Variants in RAP1GDS1 observed in about 807,000 individuals in gnomAD.
RAP1GDS1 encodes the protein RAP1, GTP-GDP dissociation stimulator 1.
In RAP1GDS1, 35 loss-of-function variants were observed where a neutral mutation model predicts 71.1. The ratio of observed to expected loss-of-function variants is 0.49; its 90% CI spans 0.38 to 0.65. The LOEUF (loss-of-function observed/expected upper bound fraction) is 0.65, where lower values mean the gene tolerates loss of function less well. Ranked by LOEUF, RAP1GDS1 falls within the 30% of genes least tolerant of loss-of-function variation. RAP1GDS1 has a pLI of 0.00. For synonymous variants in RAP1GDS1, 229 were observed against 243.1 expected (o/e 0.94, Z 0.54); for missense variants, 663 against 706.1 (o/e 0.94, Z 0.69).
chr4:98,380,817 T>C (rs1239749963), intron 5 of RAP1GDS1, among the ~76,000 whole-genome samples: 1 of 151,742 alleles, frequency 6.6e-6, no homozygotes, highest in African/African-American at 2.4e-5. Context: ...AAAGAAATTT[T>C]AAGAAGTTAT....
In RAP1GDS1 at chr4:98,422,125, G is replaced by A. The variant is rs900972214; in HGVS notation, c.1440+731G>A. On this transcript the variant is annotated intron_variant, in intron 12 of 14. Coordinates refer to ENST00000408927, the MANE Select transcript of RAP1GDS1 (RefSeq NM_001100427.2). Reference sequence around the variant, plus strand: ...TGAGGCAGGAGAATGGCGTGAACCCGGGAGGCGGAGCTTGCAGAGAGCCGA... The same window carrying A: ...TGAGGCAGGAGAATGGCGTGAACCCAGGAGGCGGAGCTTGCAGAGAGCCGA... Among the ~76,000 whole-genome samples the A allele has an allele frequency of 2.4e-4, 37 of 151,478 alleles. 1 individual carries two copies. Among genetic ancestry groups the A allele is most frequent in the Non-Finnish European group, 1.2e-4 (8 of 67,896 alleles).
At position 98,420,053 on chromosome 4, in the gene RAP1GDS1, C is replaced by A; in HGVS notation, c.1209C>A (p.Val403=). The A allele has an allele frequency of 2.5e-6, 4 of 1,606,646 alleles. No individual in the cohort carries two copies. Among genetic ancestry groups the A allele is most frequent in the Non-Finnish European group, 3.4e-6 (4 of 1,176,166 alleles). The change falls in exon 11 of 15, where the codon GTC becomes GTA. Residue 403 remains valine, a synonymous_variant. Transcript: ENST00000408927. The stretch of plus-strand genomic sequence containing the variant: ...AAGCAAAGATGTTATCAGCTGGGGT[C>A]ACAGAGGCAGTTTTGAAATTTCTTA... The part of the protein sequence containing the change: ...INKAKMLSAG[V]TEAVLKFLKS...
At chr4:98,369,037 A>G (rs1439728466) in intron 4 of RAP1GDS1, among the ~76,000 whole-genome samples, 1 of 152,194 alleles carries the variant, frequency 6.6e-6, no homozygotes, top group African/African-American at 2.4e-5. Context: ...GTGAAAGGTG[A>G]AGGAGGAGTA....
At chr4:98,324,609 T>C (rs2110349680) in intron 2 of RAP1GDS1, among the ~76,000 whole-genome samples, 1 of 144,752 alleles carries the variant, frequency 6.9e-6, no homozygotes, top group Middle Eastern at 3.5e-3. Context: ...CCCTCAGAAA[T>C]AACGCCGCAT....
chr4:98,403,525 T>A (rs559886360), intron 6 of RAP1GDS1, among the ~76,000 whole-genome samples: 1 of 152,278 alleles, frequency 6.6e-6, no homozygotes, highest in East Asian at 1.9e-4. Flanking sequence ...AAGCCCCTTT[T>A]TGGTATTGAG....
intron 14 of RAP1GDS1, chr4:98,441,225 A>G: frequency 1.9e-6 from 1 of 527,772 alleles, no homozygotes; most frequent in South Asian, 8.3e-5. Context: ...CATCAGTTTC[A>G]GTAGTACTGA....
chr4:98,268,799 T>C (rs1371365023), intron 1 of RAP1GDS1, among the ~76,000 whole-genome samples: 2 of 151,988 alleles, frequency 1.3e-5, no homozygotes, highest in Admixed American at 1.3e-4. Context: ...CTGTAAGACA[T>C]TGATGAAAGA....
At chr4:98,415,007 GCT>G (rs546215724) in intron 7 of RAP1GDS1, among the ~76,000 whole-genome samples, 3 of 152,094 alleles carry the variant, frequency 2.0e-5, no homozygotes, top group East Asian at 1.9e-4. Context: ...TCATGATTTG[GCT>G]CTCTGTTTGT....
chr4:98,344,905 G>A (rs1736001649), intron 3 of RAP1GDS1, among the ~76,000 whole-genome samples: 1 of 152,108 alleles, frequency 6.6e-6, no homozygotes, highest in Admixed American at 6.6e-5. Flanking sequence ...GTTCACTGCA[G>A]CCTTGACCTC....
chr4:98,400,836 G>A (rs1745307190), intron 6 of RAP1GDS1, among the ~76,000 whole-genome samples: 1 of 152,048 alleles, frequency 6.6e-6, no homozygotes, highest in Admixed American at 6.6e-5. Context: ...ATTATTATTT[G>A]TCAAATAATT....
intron 4 of RAP1GDS1, among the ~76,000 whole-genome samples, chr4:98,353,603 C>T (rs567087420): frequency 2.0e-5 from 3 of 152,244 alleles, no homozygotes; most frequent in South Asian, 4.1e-4. Flanking sequence ...CTCATTTATT[C>T]TCCTTTTCTT....
intron 9 of RAP1GDS1, 27 bp from the exon 10 acceptor site, chr4:98,418,630 G>GA (rs1748350693): frequency 6.4e-7 from 1 of 1,571,828 alleles, no homozygotes; most frequent in African/African-American, 1.4e-5. Flanking sequence ...TAAAGAGGAA[G>GA]AAAAAGATGT....
intron 12 of RAP1GDS1, among the ~76,000 whole-genome samples, chr4:98,428,359 A>G (rs1749916967): frequency 6.6e-6 from 1 of 152,234 alleles, no homozygotes; most frequent in Non-Finnish European, 1.5e-5. Context: ...CTGGGACTTA[A>G]TTAAACTAAA....
At chr4:98,327,682 G>T (rs1190933172) in intron 2 of RAP1GDS1, among the ~76,000 whole-genome samples, 2 of 152,096 alleles carry the variant, frequency 1.3e-5, no homozygotes, top group Admixed American at 1.3e-4. Context: ...CTGTAATTAG[G>T]TTTTGATTGT....
At chr4:98,387,005 A>G (rs1742865117) in intron 5 of RAP1GDS1, among the ~76,000 whole-genome samples, 1 of 152,256 alleles carries the variant, frequency 6.6e-6, no homozygotes, top group Admixed American at 6.5e-5. Flanking sequence ...GCCAATTTGT[A>G]TTAGAACTTT....
At chr4:98,303,687 AGAG>A (rs1179553749) in intron 2 of RAP1GDS1, among the ~76,000 whole-genome samples, 2 of 148,552 alleles carry the variant, frequency 1.3e-5, no homozygotes, top group African/African-American at 4.9e-5. Flanking sequence ...CAGTATAGGA[AGAG>A]AACTTTTTAA....
chr4:98,261,622 GTGC>G, intron 1 of RAP1GDS1, 53 bp downstream of exon 1: 1 of 1,566,044 alleles, frequency 6.4e-7, no homozygotes, highest in Non-Finnish European at 8.7e-7. Context: ...CTTTCTCGGC[GTGC>G]TGCAGGGTGG....
intron 1 of RAP1GDS1, among the ~76,000 whole-genome samples, chr4:98,265,978 TATAGTC>T (rs1030740903): frequency 2.0e-5 from 3 of 152,144 alleles, no homozygotes; most frequent in Non-Finnish European, 4.4e-5. Flanking sequence ...GTTCACTAGG[TATAGTC>T]ATGCTGTATT....
At chr4:98,421,427 C>CTG in intron 12 of RAP1GDS1, 33 bp downstream of exon 12, 1 of 1,540,328 alleles carries the variant, frequency 6.5e-7, no homozygotes, top group Non-Finnish European at 8.7e-7. Flanking sequence ...CACTAGAAAA[C>CTG]TTCAGAGTGT....
Sources: gnomAD v4.1 joint callset for allele counts (sites outside exome capture counted in the v4.1 genomes callset) on GRCh38, gnomAD v4.1.1 for gene constraint, MANE v1.5 for transcripts, NCBI Gene and HGNC (gene_info 2026-07-23, HGNC 2026-07-21) for gene names.